Variants in DMBT1 observed in about 807,000 individuals in gnomAD.
The protein encoded by DMBT1 is deleted in malignant brain tumors 1.
DMBT1 carries 198 observed loss-of-function variants against 252.9 expected under a neutral mutation model. The observed-to-expected ratio is 0.78, with a 90% CI of 0.70 to 0.88. DMBT1 has a LOEUF of 0.88. DMBT1 is among the 40% of genes least tolerant of loss of function. The pLI is 0.00. For missense variants in DMBT1, 2,432 were observed against 2,404.7 expected (o/e 1.01, Z -0.24); for synonymous variants, 990 against 942.7 (o/e 1.05, Z -0.92).
Position 122,585,350 on chromosome 10 carries a change from C to T in DMBT1, c.1459+41C>T, listed in dbSNP as rs751757684. On this transcript the variant is annotated intron_variant, in intron 15 of 55. Coordinates refer to ENST00000338354, the MANE Select transcript of DMBT1 (RefSeq NM_001377530.1). ...GCCCCTCCCTAGGGCTCACTCTCTA[C>T]CTCTGGACAAATGTTTTTTTCTGAA... The T allele has an allele frequency of 1.2e-5, 19 of 1,567,968 alleles. 4 individuals are homozygous for T. In the South Asian group the frequency reaches 2.0e-4, roughly 16 times the overall value.
intron 4 of DMBT1, 108 bp from the exon 5 acceptor site, chr10:122,572,206 T>C (rs2981801): frequency 0.7 from 1,047,052 of 1,496,628 alleles, 367,935 homozygotes; most frequent in Admixed American, 0.82. Context: ...GGAGGTTGCC[T>C]TTAGGACCTG....
chr10:122,577,924 T>A, intron 8 of DMBT1, 84 bp downstream of exon 8: 1 of 1,445,372 alleles, frequency 6.9e-7, no homozygotes, highest in Non-Finnish European at 9.7e-7. Context: ...CCCTCCTGCT[T>A]CTCTGCAGAT....
rs1177660985 is a variant in DMBT1 at position 122,633,967 on chromosome 10, C to A, written c.6548+626C>A. Among the ~76,000 whole-genome samples the A allele has an allele frequency of 2.0e-5, 3 of 152,170 alleles. No individual in the cohort carries two copies. In the East Asian group the frequency reaches 5.8e-4, roughly 29 times the overall value. ...TGAGCAATATAGGGAGACCCCCCATCTCTACAAAAAAGTACAAAAATTAGC... is the reference window on the plus strand; with the variant it reads ...TGAGCAATATAGGGAGACCCCCCATATCTACAAAAAAGTACAAAAATTAGC... On this transcript the variant is annotated intron_variant, in intron 52 of 55. Transcript: ENST00000338354.
chr10:122,579,036 G>A (rs2097739792), intron 9 of DMBT1, among the ~76,000 whole-genome samples: 1 of 152,104 alleles, frequency 6.6e-6, no homozygotes, highest in Non-Finnish European at 1.5e-5. Flanking sequence ...GTTGGGTAGG[G>A]AGGAAGCTGG....
Position 122,643,508 on chromosome 10 carries a change from C to A in DMBT1, c.*110C>A. The A allele has an allele frequency of 7.1e-7, 1 of 1,406,088 alleles. No homozygotes were observed. The highest frequency in any genetic ancestry group is 9.5e-7 in the Non-Finnish European group (1 of 1,047,714). 87.1% of individuals were successfully genotyped at this position (1,406,088 alleles called of 1,614,324 possible). A position where few individuals can be genotyped will look rare whatever the true frequency, so the allele number is the denominator to read the frequency against. On this transcript the variant is annotated 3_prime_UTR_variant, in exon 56 of 56. Transcript: ENST00000338354. ...AACTCAGATTGAGCCCTACATTGTG[C>A]TGCACCTGGTCATACGGAGTTGAAT...
chr10:122,622,083 G>A (rs564197153), intron 44 of DMBT1, among the ~76,000 whole-genome samples: 1 of 152,330 alleles, frequency 6.6e-6, no homozygotes. Flanking sequence ...AAACCTGCAA[G>A]GGAAAGGGTT....
chr10:122,566,318 C>CTTTTT (rs1478332528), intron 2 of DMBT1, among the ~76,000 whole-genome samples: 8 of 77,538 alleles, frequency 1.0e-4, no homozygotes, highest in Non-Finnish European at 2.3e-4. Context: ...TTTTCTTTTT[C>CTTTTT]TTTTTTCTTT....
chr10:122,637,459 TG>T, intron 54 of DMBT1, 147 bp downstream of exon 54: 1 of 952,856 alleles, frequency 1.0e-6, no homozygotes, highest in Admixed American at 3.0e-5. Context: ...AAAAAACCTT[TG>T]GTGCTATGAT....
At chr10:122,632,666 C>A (rs538842251) in intron 50 of DMBT1, among the ~76,000 whole-genome samples, 195 bp from the exon 51 acceptor site, 93 of 152,266 alleles carry the variant, frequency 6.1e-4, no homozygotes, top group African/African-American at 2.2e-3. Flanking sequence ...TCAATCTCAT[C>A]CTTTTCCCAG....
chr10:122,620,504 T>C (rs576786812), intron 43 of DMBT1, among the ~76,000 whole-genome samples: 31 of 152,292 alleles, frequency 2.0e-4, no homozygotes, highest in Non-Finnish European at 3.5e-4. Context: ...GATTCTGTTT[T>C]ATGTAGTCAG....
chr10:122,628,103 A>T (rs2098131294), intron 46 of DMBT1, among the ~76,000 whole-genome samples: 2 of 152,346 alleles, frequency 1.3e-5, no homozygotes, highest in Non-Finnish European at 2.9e-5. Flanking sequence ...TTTGAGAAGC[A>T]GTTTGGTGGC....
rs1229335186 is a variant in DMBT1, at chr10:122,577,716, AG to A, written c.608-94del. The A allele has an allele frequency of 4.9e-6, 7 of 1,422,874 alleles. No individual in the cohort carries two copies. The African/African-American group carries it at 9.9e-5, about 20-fold the overall frequency. 88.1% of individuals were successfully genotyped at this position (1,422,874 alleles called of 1,614,324 possible). On this transcript the variant is annotated intron_variant, in intron 7 of 55. Coordinates refer to ENST00000338354, the MANE Select transcript of DMBT1 (RefSeq NM_001377530.1). ...ACTTGGTGGGCGTGTGATGGGCATC[AG>A]CTCAGGGTGTAGATACCCCAAGTCA...
At chr10:122,593,481 G>C in intron 20 of DMBT1, 88 bp from the exon 21 acceptor site, 1 of 1,383,002 alleles carries the variant, frequency 7.2e-7, no homozygotes, top group Non-Finnish European at 1.0e-6. Context: ...CTGAGTGTCA[G>C]ACTCGCTCAT....
chr10:122,631,729 TG>T, intron 49 of DMBT1, 125 bp from the exon 50 acceptor site: 1 of 936,312 alleles, frequency 1.1e-6, no homozygotes, highest in Non-Finnish European at 1.7e-6. Context: ...AATTGCTGGG[TG>T]GACCTGGGGA....
chr10:122,618,086 T>C lies in DMBT1; in HGVS notation c.4961T>C (p.Leu1654Pro), dbSNP rs751625963. Residue 1654 changes from leucine (L) to proline (P), a missense_variant, in exon 41 of 56, where the codon CTA (leucine) becomes CCA (proline). Physicochemically the swap from Leu to Pro is moderately conservative, Grantham distance 98 (BLOSUM62 -3). Coordinates refer to ENST00000338354, the MANE Select transcript of DMBT1 (RefSeq NM_001377530.1). ...GDRCRGRVEVLYQGSWGTVCD... is the reference protein window; with the variant it reads ...GDRCRGRVEVPYQGSWGTVCD... ...AGGTGTCGAGGCCGAGTGGAGGTCC[T>C]ATACCAAGGCTCCTGGGGCACCGTG... The C allele has an allele frequency of 1.2e-6, 2 of 1,613,882 alleles. No individual in the cohort carries two copies. The highest frequency in any genetic ancestry group is 1.7e-6 in the Non-Finnish European group (2 of 1,179,846).
chr10:122,587,835 A>G (rs1332631922), intron 16 of DMBT1, among the ~76,000 whole-genome samples: 2 of 148,612 alleles, frequency 1.3e-5, no homozygotes, highest in Admixed American at 1.3e-4. Flanking sequence ...CAATGGTGTC[A>G]GATGTGTCCA....
At chr10:122,591,414 C>T in intron 18 of DMBT1, 65 bp from the exon 19 acceptor site, 1 of 1,497,152 alleles carries the variant, frequency 6.7e-7, no homozygotes, top group Non-Finnish European at 9.2e-7. Flanking sequence ...GTCCAGAGAC[C>T]TTTCCTTTTG....
intron 6 of DMBT1, among the ~76,000 whole-genome samples, chr10:122,575,000 T>C (rs905217799): frequency 6.6e-6 from 1 of 152,196 alleles, no homozygotes. Flanking sequence ...CTCAGATCAC[T>C]TCCTCTCCAA....
At chr10:122,637,090 G>C in intron 53 of DMBT1, 38 bp from the exon 54 acceptor site, 1 of 1,595,014 alleles carries the variant, frequency 6.3e-7, no homozygotes, top group Non-Finnish European at 8.6e-7. Context: ...TGGAGTCTGG[G>C]GCAGTGACTG....
Sources: allele counts gnomAD v4.1 joint callset (sites outside exome capture counted in the v4.1 genomes callset), GRCh38; gene constraint gnomAD v4.1.1; transcripts MANE v1.5; gene names NCBI Gene and HGNC (gene_info 2026-07-23, HGNC 2026-07-21).